PSD3: variants seen among roughly 807,000 people sequenced by gnomAD.
The protein encoded by PSD3 is PH and SEC7 domain-containing protein 3.
PSD3 carries 49 observed loss-of-function variants against 105.5 expected under a neutral mutation model. The ratio of observed to expected loss-of-function variants is 0.46; its 90% CI spans 0.37 to 0.59. The LOEUF is 0.59. Ranked by LOEUF, PSD3 falls within the 20% of genes least tolerant of loss-of-function variation. PSD3 has a pLI of 0.00. For missense variants in PSD3, 1,561 were observed against 1,263.8 expected, an observed-to-expected ratio of 1.24 and a Z score of -3.57; for synonymous variants, 557 against 457.8, an observed-to-expected ratio of 1.22 and a Z score of -2.77.
intron 2 of PSD3, among the ~76,000 whole-genome samples, chr8:18,921,655 A>C (rs1363124127): frequency 1.3e-5 from 2 of 152,236 alleles, no homozygotes; most frequent in African/African-American, 4.8e-5. Context: ...CTTCATAGAA[A>C]ATCCATCTCT....
chr8:18,572,590 T>C lies in PSD3; in HGVS notation c.2722A>G (p.Ile908Val), dbSNP rs373127419. The change falls in exon 14 of 16, where the codon ATC becomes GTC. Residue 908 changes from isoleucine to valine, a missense_variant. Ile to Val is a conservative substitution (Grantham distance 29, BLOSUM62 3). Coordinates refer to ENST00000327040, the MANE Select transcript of PSD3 (RefSeq NM_015310.4). ...VFSAPPFPAA[I>V]GSQKKFSRPL... Reference sequence around the variant, plus strand: ...CGGCTAAACTTCTTCTGAGAGCCGATTGCTGCTGGAAATGGTGGTGCAGAA... The same window carrying C: ...CGGCTAAACTTCTTCTGAGAGCCGACTGCTGCTGGAAATGGTGGTGCAGAA... The C allele has an allele frequency of 5.2e-5, 84 of 1,614,006 alleles. No individual in the cohort carries two copies. Among genetic ancestry groups the C allele is most frequent in the South Asian group, 1.1e-4 (10 of 91,078 alleles).
intron 9 of PSD3, among the ~76,000 whole-genome samples, chr8:18,727,240 G>A (rs889532415): frequency 6.6e-6 from 1 of 151,258 alleles, no homozygotes; most frequent in African/African-American, 2.4e-5. Context: ...TAGAAGCTGA[G>A]GCAGGAGAAT....
At chr8:18,909,125 G>T (rs1029197463) in intron 2 of PSD3, among the ~76,000 whole-genome samples, 2 of 152,140 alleles carry the variant, frequency 1.3e-5, no homozygotes, top group African/African-American at 4.8e-5. Flanking sequence ...CATCAAAAGG[G>T]CAAATACTCT....
chr8:18,578,912 G>C (rs1802629187), intron 12 of PSD3, among the ~76,000 whole-genome samples: 1 of 151,936 alleles, frequency 6.6e-6, no homozygotes, highest in Non-Finnish European at 1.5e-5. Flanking sequence ...ACTATATACG[G>C]CATCAGTGGA....
intron 4 of PSD3, among the ~76,000 whole-genome samples, chr8:18,857,760 A>G (rs1816131961): frequency 6.6e-6 from 1 of 152,174 alleles, no homozygotes. Context: ...CTGCAATTCT[A>G]ATAAGCTCCC....
intron 10 of PSD3, among the ~76,000 whole-genome samples, chr8:18,638,349 C>T (rs954336132): frequency 6.6e-6 from 1 of 151,242 alleles, no homozygotes; most frequent in Non-Finnish European, 1.5e-5. Context: ...AAGGAAGTGA[C>T]TGTCTCTGAT....
intron 9 of PSD3, among the ~76,000 whole-genome samples, chr8:18,681,875 G>A (rs1472580625): frequency 6.6e-6 from 1 of 151,914 alleles, no homozygotes; most frequent in African/African-American, 2.4e-5. Context: ...GACCACATAT[G>A]CCTCAAAAAA....
At chr8:18,607,804 A>G (rs1804963783) in intron 11 of PSD3, among the ~76,000 whole-genome samples, 1 of 151,994 alleles carries the variant, frequency 6.6e-6, no homozygotes, top group African/African-American at 2.4e-5. Flanking sequence ...TAACTGACTC[A>G]CAGTTCAGCA....
At chr8:18,969,512 T>C (rs898741578) in intron 1 of PSD3, among the ~76,000 whole-genome samples, 2 of 152,248 alleles carry the variant, frequency 1.3e-5, no homozygotes, top group African/African-American at 4.8e-5. Flanking sequence ...TTAAAAAAAT[T>C]ATGTTATACC....
At chr8:18,805,039 T>A (rs1811081555) in intron 4 of PSD3, 141 bp from the exon 5 acceptor site, 1 of 752,600 alleles carries the variant, frequency 1.3e-6, no homozygotes, top group South Asian at 2.2e-5. Flanking sequence ...TTCATAAAAA[T>A]TTTTTCAGTT....
At chr8:18,963,670 G>T (rs934947349) in intron 1 of PSD3, among the ~76,000 whole-genome samples, 7 of 152,132 alleles carry the variant, frequency 4.6e-5, no homozygotes, top group African/African-American at 9.7e-5. Context: ...ATAAGAAATG[G>T]GGGGAGAGAA....
At chr8:19,057,194 A>G (rs1828737269) in intron 1 of PSD3, among the ~76,000 whole-genome samples, 1 of 151,978 alleles carries the variant, frequency 6.6e-6, no homozygotes, top group Admixed American at 6.6e-5. Context: ...CCGCTGCCTC[A>G]TTTCTCTACT....
intron 9 of PSD3, among the ~76,000 whole-genome samples, chr8:18,658,548 G>T (rs1339831787): frequency 6.7e-6 from 1 of 149,448 alleles, no homozygotes; most frequent in African/African-American, 2.5e-5. Flanking sequence ...TTTGAGACAG[G>T]GTCTTGCTTG....
chr8:18,613,242 G>A (rs955728328), intron 11 of PSD3, among the ~76,000 whole-genome samples: 2 of 152,068 alleles, frequency 1.3e-5, no homozygotes, highest in South Asian at 2.1e-4. Context: ...CTGCCGGTCC[G>A]GATGAAGCCC....
chr8:18,669,054 C>T (rs532361579), intron 9 of PSD3, among the ~76,000 whole-genome samples: 14 of 152,296 alleles, frequency 9.2e-5, no homozygotes, highest in Non-Finnish European at 1.6e-4. Context: ...TCTCCTTTAA[C>T]ACATCACTGA....
intron 4 of PSD3, among the ~76,000 whole-genome samples, chr8:18,850,597 C>T (rs1048843451): frequency 1.3e-5 from 2 of 152,096 alleles, no homozygotes; most frequent in South Asian, 2.1e-4. Context: ...AGACAATTGT[C>T]GTAAGTTATT....
intron 12 of PSD3, among the ~76,000 whole-genome samples, chr8:18,585,032 T>C (rs1421605940): frequency 6.6e-6 from 1 of 152,172 alleles, no homozygotes; most frequent in Non-Finnish European, 1.5e-5. Flanking sequence ...AATGGGGTGA[T>C]ATGGTATTTT....
intron 9 of PSD3, among the ~76,000 whole-genome samples, chr8:18,657,184 C>A (rs1585524335): frequency 6.6e-6 from 1 of 152,190 alleles, no homozygotes; most frequent in African/African-American, 2.4e-5. Context: ...AGCAGAACTG[C>A]CTTGTATTTC....
At chr8:18,717,115 A>C (rs376126660) in intron 9 of PSD3, among the ~76,000 whole-genome samples, 5 of 152,248 alleles carry the variant, frequency 3.3e-5, no homozygotes, top group African/African-American at 1.2e-4. Flanking sequence ...ACCTATTTTA[A>C]ACAGTCTTAA....
Sources: allele counts gnomAD v4.1 joint callset (sites outside exome capture counted in the v4.1 genomes callset), GRCh38; gene constraint gnomAD v4.1.1; transcripts MANE v1.5; gene names NCBI Gene and HGNC (gene_info 2026-07-23, HGNC 2026-07-21).